Variants in FMN2 observed in about 807,000 individuals in gnomAD.
FMN2 encodes formin 2.
In FMN2, 51 loss-of-function variants were observed where a neutral mutation model predicts 142.3. The observed-to-expected ratio is 0.36, with a 90% CI of 0.29 to 0.45. FMN2 has a LOEUF of 0.45. Ranked by LOEUF, FMN2 falls within the 20% of genes least tolerant of loss-of-function variation. The pLI is 1.00. For missense variants in FMN2, 1,936 were observed against 2,122.8 expected (o/e 0.91, Z 1.73); for synonymous variants, 882 against 869.8 (o/e 1.01, Z -0.25).
chr1:240,451,739 A>G lies in FMN2; in HGVS notation c.5060+13529A>G, dbSNP rs148051765. Among the ~76,000 whole-genome samples the G allele has an allele frequency of 2.2e-4, 34 of 152,244 alleles. 2 individuals are homozygous for G. Among genetic ancestry groups the G allele is most frequent in the African/African-American group, 6.3e-4 (26 of 41,524 alleles). On this transcript the variant is annotated intron_variant, in intron 16 of 17. Transcript: ENST00000319653. ...AGCCTGATATAGTAAAATAGTGGGT[A>G]GCAGCACCAGCAGTGAGACATGAAG...
chr1:240,359,580 T>A (rs1672392385), intron 14 of FMN2, among the ~76,000 whole-genome samples: 1 of 152,154 alleles, frequency 6.6e-6, no homozygotes, highest in South Asian at 2.1e-4. Flanking sequence ...CCCATTCAAT[T>A]TTCCCTCCCT....
intron 14 of FMN2, among the ~76,000 whole-genome samples, chr1:240,366,847 G>T (rs1024749325): frequency 1.3e-5 from 2 of 152,032 alleles, no homozygotes; most frequent in Non-Finnish European, 2.9e-5. Context: ...CACCGCGCCC[G>T]GCCCTCTATC....
intron 3 of FMN2, among the ~76,000 whole-genome samples, chr1:240,181,363 G>T (rs907616949): frequency 2.0e-5 from 3 of 152,114 alleles, no homozygotes; most frequent in Non-Finnish European, 2.9e-5. Context: ...TCAGATTTGT[G>T]GTACTCTGTC....
intron 14 of FMN2, among the ~76,000 whole-genome samples, chr1:240,388,483 G>A (rs1403434586): frequency 1.3e-5 from 2 of 152,018 alleles, no homozygotes; most frequent in African/African-American, 4.8e-5. Flanking sequence ...ACCTTGCAAA[G>A]TATAAGCATT....
At chr1:240,215,210 T>A (rs975608934) in intron 6 of FMN2, among the ~76,000 whole-genome samples, 1 of 152,202 alleles carries the variant, frequency 6.6e-6, no homozygotes, top group African/African-American at 2.4e-5. Flanking sequence ...GTAAGTGCAG[T>A]AGTAGTAGTA....
At chr1:240,425,527 G>C (rs955593956) in intron 15 of FMN2, among the ~76,000 whole-genome samples, 3 of 152,036 alleles carry the variant, frequency 2.0e-5, no homozygotes, top group Non-Finnish European at 4.4e-5. Context: ...GGAGCTACCT[G>C]CCACACATCA....
At chr1:240,170,679 C>G (rs1488867888) in intron 2 of FMN2, 10 of 1,571,616 alleles carry the variant, frequency 6.4e-6, no homozygotes, top group Non-Finnish European at 1.8e-6. Flanking sequence ...ATAAAGTCTG[C>G]CTTCTAGGTT....
At chr1:240,186,442 A>T (rs1306890205) in intron 3 of FMN2, among the ~76,000 whole-genome samples, 1 of 152,228 alleles carries the variant, frequency 6.6e-6, no homozygotes, top group Non-Finnish European at 1.5e-5. Flanking sequence ...TTCTAGTGGA[A>T]TAAGAGGTAT....
intron 8 of FMN2, among the ~76,000 whole-genome samples, chr1:240,295,189 TACACAC>T (rs67137806): frequency 0.051 from 7,340 of 144,102 alleles, 373 homozygotes; most frequent in African/African-American, 0.14. Context: ...GTGCACTTCA[TACACAC>T]ACACACACAC....
At position 240,231,269 on chromosome 1, in the gene FMN2, A is replaced by G. The variant is rs929142515; in HGVS notation, c.4065+20034A>G. ...AAAACAATACAAACTTGCCAAATATAAGACCAAAACAAAGCTTTTTCTTTT... is the reference window on the plus strand; with the variant it reads ...AAAACAATACAAACTTGCCAAATATGAGACCAAAACAAAGCTTTTTCTTTT... On this transcript the variant is annotated intron_variant, in intron 6 of 17. Transcript: ENST00000319653. 6.8e-5 allele frequency among the ~76,000 whole-genome samples: 9 copies of G among 132,660 alleles called. 1 individual carries two copies. Among genetic ancestry groups the G allele is most frequent in the African/African-American group, 2.9e-4 (9 of 31,130 alleles). 87.0% of individuals were successfully genotyped at this position (132,660 alleles called of 152,430 possible). A position where few individuals can be genotyped will look rare whatever the true frequency, so the allele number is the denominator to read the frequency against.
At chr1:240,151,758 T>C (rs1418683546) in intron 2 of FMN2, among the ~76,000 whole-genome samples, 1 of 151,936 alleles carries the variant, frequency 6.6e-6, no homozygotes, top group Non-Finnish European at 1.5e-5. Flanking sequence ...GAGGGGCCAA[T>C]GGACTTTTTC....
At chr1:240,371,204 C>G (rs1672853989) in intron 14 of FMN2, among the ~76,000 whole-genome samples, 1 of 152,140 alleles carries the variant, frequency 6.6e-6, no homozygotes, top group Admixed American at 6.5e-5. Flanking sequence ...AAGTGATACC[C>G]CCACCTTGGC....
chr1:240,436,091 T>C (rs1448242076), intron 15 of FMN2, among the ~76,000 whole-genome samples: 1 of 152,218 alleles, frequency 6.6e-6, no homozygotes. Context: ...CTGTGTGTTC[T>C]CTGCCATCTA....
At chr1:240,296,607 ACT>A (rs1468882932) in intron 8 of FMN2, among the ~76,000 whole-genome samples, 1 of 148,572 alleles carries the variant, frequency 6.7e-6, no homozygotes, top group African/African-American at 2.5e-5. Context: ...CAGGATGCAG[ACT>A]CTGTTCCTTG....
At chr1:240,273,360 A>G (rs1669086557) in intron 7 of FMN2, among the ~76,000 whole-genome samples, 1 of 152,208 alleles carries the variant, frequency 6.6e-6, no homozygotes, top group Non-Finnish European at 1.5e-5. Context: ...GGCATAGAGT[A>G]GTAAAAGAAA....
intron 3 of FMN2, among the ~76,000 whole-genome samples, chr1:240,180,636 G>A (rs373432824): frequency 8.4e-5 from 12 of 143,236 alleles, no homozygotes; most frequent in East Asian, 4.1e-4. Context: ...GCGCCATCTC[G>A]GCTCACTGCA....
chr1:240,432,655 T>C (rs2103166914), intron 15 of FMN2, among the ~76,000 whole-genome samples: 1 of 152,210 alleles, frequency 6.6e-6, no homozygotes, highest in East Asian at 1.9e-4. Flanking sequence ...CTTGCTTTAT[T>C]TGTATCCCGT....
At chr1:240,375,258 C>T (rs1002307701) in intron 14 of FMN2, among the ~76,000 whole-genome samples, 3 of 151,894 alleles carry the variant, frequency 2.0e-5, no homozygotes, top group East Asian at 1.9e-4. Flanking sequence ...TGAAATACGG[C>T]GAGAATTACC....
chr1:240,438,678 C>T (rs985559581), intron 16 of FMN2, among the ~76,000 whole-genome samples: 7 of 152,114 alleles, frequency 4.6e-5, no homozygotes, highest in African/African-American at 1.7e-4. Flanking sequence ...TTTTAAAAGA[C>T]CTTTCAAGAT....
Sources: allele counts gnomAD v4.1 joint callset (sites outside exome capture counted in the v4.1 genomes callset), GRCh38; gene constraint gnomAD v4.1.1; transcripts MANE v1.5; gene names NCBI Gene and HGNC (gene_info 2026-07-23, HGNC 2026-07-21).